CNTNAP5: variants seen among roughly 807,000 people sequenced by gnomAD.
CNTNAP5 encodes contactin-associated protein-like 5.
Under a neutral mutation model 150.2 loss-of-function variants are expected in CNTNAP5, and 72 were observed. The observed-to-expected ratio is 0.48, with a 90% CI of 0.40 to 0.58. The LOEUF is 0.58. Among genes scored for constraint, CNTNAP5 ranks in the 20% least tolerant of loss-of-function variants. CNTNAP5 has a pLI of 0.00. For synonymous variants in CNTNAP5, 672 were observed against 619.8 expected, an observed-to-expected ratio of 1.08 and a Z score of -1.25; for missense variants, 1,636 against 1,626.2, an observed-to-expected ratio of 1.01 and a Z score of -0.10.
At chr2:124,431,964 G>A (rs549427701) in intron 4 of CNTNAP5, among the ~76,000 whole-genome samples, 121 of 152,164 alleles carry the variant, frequency 8.0e-4, no homozygotes, top group Admixed American at 2.0e-3. Flanking sequence ...TCCTCCATGT[G>A]GTTTTAGTTC....
intron 1 of CNTNAP5, among the ~76,000 whole-genome samples, chr2:124,194,406 TATATAAATATAA>T (rs1446258768): frequency 1.7e-4 from 3 of 17,650 alleles, no homozygotes; most frequent in Non-Finnish European, 3.3e-4. Context: ...TATATATATA[TATATAAATATAA>T]ATAGGTGTGC....
intron 3 of CNTNAP5, among the ~76,000 whole-genome samples, chr2:124,383,075 G>A (rs1028827460): frequency 6.6e-6 from 1 of 152,026 alleles, no homozygotes; most frequent in African/African-American, 2.4e-5. Flanking sequence ...TTTCCTCCAG[G>A]TGTCCCAGCT....
rs974806056 is a variant in CNTNAP5, at chr2:124,724,726, C to T, written c.2078-22503C>T. 2.0e-5 allele frequency among the ~76,000 whole-genome samples: 3 copies of T among 151,932 alleles called. No homozygotes were observed. In the East Asian group the frequency reaches 5.8e-4, roughly 29 times the overall value. On this transcript the variant is annotated intron_variant, in intron 13 of 23. Transcript: ENST00000682447. ...ACATCACATGCCCTTAATGTGCTCT[C>T]TATCAAGAACTCACCCAAAGCCCAG...
At chr2:124,563,194 T>C in intron 10 of CNTNAP5, 23 bp from the exon 11 acceptor site, 1 of 1,474,232 alleles carries the variant, frequency 6.8e-7, no homozygotes, top group Non-Finnish European at 9.3e-7. Flanking sequence ...TATTTTCTTT[T>C]CATTTATGTT....
At position 124,665,486 on chromosome 2, in the gene CNTNAP5, T is replaced by C. The variant is rs146201096; in HGVS notation, c.2077+17528T>C. ...ATTTGGAAAGCATTATTTTATTCCC[T>C]TTTTTAGAAAAAGCAAAGCAAATTT... On this transcript the variant is annotated intron_variant, in intron 13 of 23. Coordinates refer to ENST00000682447, the MANE Select transcript of CNTNAP5 (RefSeq NM_001367498.1). 6.8e-3 allele frequency among the ~76,000 whole-genome samples: 1,041 copies of C among 152,302 alleles called. 15 individuals carry two copies. The highest frequency in any genetic ancestry group is 0.024 in the African/African-American group (1,006 of 41,566).
At chr2:124,408,820 G>T (rs371883379) in intron 3 of CNTNAP5, among the ~76,000 whole-genome samples, 6,312 of 152,228 alleles carry the variant, frequency 0.041, 167 homozygotes, top group Non-Finnish European at 0.053. Context: ...ACTCTAAAAT[G>T]CAGAGCTCCT....
chr2:124,702,800 A>G (rs527988562), intron 13 of CNTNAP5, among the ~76,000 whole-genome samples: 3 of 152,140 alleles, frequency 2.0e-5, no homozygotes, highest in Non-Finnish European at 4.4e-5. Context: ...ATACAGCATT[A>G]AAGGGAGGTA....
chr2:124,271,757 C>T (rs1687766629), intron 3 of CNTNAP5, among the ~76,000 whole-genome samples: 1 of 151,712 alleles, frequency 6.6e-6, no homozygotes, highest in African/African-American at 2.4e-5. Flanking sequence ...CTCTGTTGCC[C>T]AGGCTGTAGT....
At chr2:124,845,852 T>C (rs185249939) in intron 19 of CNTNAP5, among the ~76,000 whole-genome samples, 3 of 152,302 alleles carry the variant, frequency 2.0e-5, no homozygotes, top group Non-Finnish European at 4.4e-5. Flanking sequence ...TCATTTCTAA[T>C]TGAGCTTATT....
chr2:124,061,049 C>T (rs963013427), intron 1 of CNTNAP5, among the ~76,000 whole-genome samples: 1 of 152,096 alleles, frequency 6.6e-6, no homozygotes, highest in Non-Finnish European at 1.5e-5. Context: ...ATTCCCCTTC[C>T]GTTTTTTTTC....
chr2:124,474,935 T>C lies in CNTNAP5; in HGVS notation c.1062+53T>C, dbSNP rs937017398. The C allele has an allele frequency of 1.1e-5, 17 of 1,518,018 alleles. 1 individual carries two copies. The East Asian group carries it at 3.8e-4, about 34-fold the overall frequency. The allele number at this position is 1,518,018 out of a possible 1,614,324, so 94.0% of individuals were successfully genotyped here. ...ATGGTTTCTACCACTTTGGGGTAAGTCTTGCTTTCACCAGCCCATTCCTGA... is the reference window on the plus strand; with the variant it reads ...ATGGTTTCTACCACTTTGGGGTAAGCCTTGCTTTCACCAGCCCATTCCTGA... On this transcript the variant is annotated intron_variant, in intron 7 of 23. Transcript: ENST00000682447.
chr2:124,334,230 A>C (rs868666220), intron 3 of CNTNAP5, among the ~76,000 whole-genome samples: 1 of 152,110 alleles, frequency 6.6e-6, no homozygotes, highest in South Asian at 2.1e-4. Context: ...GATGTTTTCT[A>C]TTGGTAATTT....
intron 21 of CNTNAP5, among the ~76,000 whole-genome samples, chr2:124,874,692 G>A (rs1275684555): frequency 6.6e-6 from 1 of 151,970 alleles, no homozygotes; most frequent in Admixed American, 6.6e-5. Flanking sequence ...TTAAGAAGTA[G>A]CTACTTTTTA....
At chr2:124,404,335 C>T (rs1172691588) in intron 3 of CNTNAP5, among the ~76,000 whole-genome samples, 2 of 152,218 alleles carry the variant, frequency 1.3e-5, no homozygotes. Flanking sequence ...CTTGTAATCT[C>T]ACTGCCAGTC....
intron 1 of CNTNAP5, among the ~76,000 whole-genome samples, chr2:124,123,913 C>G (rs1023894759): frequency 1.3e-5 from 2 of 152,118 alleles, no homozygotes; most frequent in Non-Finnish European, 2.9e-5. Flanking sequence ...GTGTCACCAT[C>G]ATCAAAGACC....
At chr2:124,376,803 T>A (rs754917766) in intron 3 of CNTNAP5, among the ~76,000 whole-genome samples, 1 of 152,084 alleles carries the variant, frequency 6.6e-6, no homozygotes, top group Non-Finnish European at 1.5e-5. Flanking sequence ...CCTACCTTTT[T>A]TTCTTTTAAG....
chr2:124,209,501 T>C (rs567159571), intron 1 of CNTNAP5, among the ~76,000 whole-genome samples: 1 of 152,348 alleles, frequency 6.6e-6, no homozygotes, highest in East Asian at 1.9e-4. Context: ...CGCACTTCCC[T>C]GTGTGACTTG....
chr2:124,235,605 G>T (rs772854655), intron 2 of CNTNAP5, among the ~76,000 whole-genome samples: 1 of 152,076 alleles, frequency 6.6e-6, no homozygotes, highest in Non-Finnish European at 1.5e-5. Context: ...TCCCATAGAT[G>T]GGCTTTCCTT....
At position 124,557,082 on chromosome 2, in the gene CNTNAP5, T is replaced by C. The variant is rs540515162; in HGVS notation, c.1650-6135T>C. Among the ~76,000 whole-genome samples the C allele has an allele frequency of 1.1e-4, 17 of 151,098 alleles. No homozygotes were observed. In the East Asian group the frequency reaches 3.1e-3, roughly 28 times the overall value. ...TGCTTCTGATCCAATTAGAGGACAA[T>C]TATCTTTCTAAGTACTTAAGCAATA... On this transcript the variant is annotated intron_variant, in intron 10 of 23. Transcript: ENST00000682447.
Sources: allele counts gnomAD v4.1 joint callset (sites outside exome capture counted in the v4.1 genomes callset), GRCh38; gene constraint gnomAD v4.1.1; transcripts MANE v1.5; gene names NCBI Gene and HGNC (gene_info 2026-07-23, HGNC 2026-07-21).